The following GRIP1 variants were observed in gnomAD, a reference collection of about 807,000 sequenced individuals.
The protein encoded by GRIP1 is glutamate receptor-interacting protein 1.
Under a neutral mutation model 129.9 loss-of-function variants are expected in GRIP1, and 45 were observed. The observed-to-expected ratio is 0.35, with a 90% CI of 0.27 to 0.44. The LOEUF (loss-of-function observed/expected upper bound fraction) is 0.44. Ranked by LOEUF, GRIP1 falls within the 20% of genes least tolerant of loss-of-function variation. The pLI is 1.00. For missense variants in GRIP1, 1,196 were observed against 1,396.8 expected, an observed-to-expected ratio of 0.86 and a Z score of 2.29; for synonymous variants, 530 against 520.8, an observed-to-expected ratio of 1.02 and a Z score of -0.24.
At chr12:66,900,858 T>C (rs1333672362) in intron 1 of GRIP1, among the ~76,000 whole-genome samples, 1 of 152,270 alleles carries the variant, frequency 6.6e-6, no homozygotes, top group Middle Eastern at 3.4e-3. Context: ...TAGGAGTAAA[T>C]GGAGAATGGA....
intron 23 of GRIP1, among the ~76,000 whole-genome samples, chr12:66,366,155 G>C (rs2055130978): frequency 6.6e-6 from 1 of 152,184 alleles, no homozygotes; most frequent in African/African-American, 2.4e-5. Flanking sequence ...TCTACACTAG[G>C]TATTTGGAGA....
chr12:66,569,818 T>A (rs1160621612), intron 2 of GRIP1, among the ~76,000 whole-genome samples: 2 of 152,194 alleles, frequency 1.3e-5, no homozygotes, highest in East Asian at 3.8e-4. Context: ...GTTTTGATAC[T>A]TGTGCTTCTT....
intron 1 of GRIP1, among the ~76,000 whole-genome samples, chr12:66,811,309 A>G (rs532092054): frequency 6.6e-6 from 1 of 152,306 alleles, no homozygotes; most frequent in Admixed American, 6.5e-5. Flanking sequence ...CGTTCTGACT[A>G]TTATAAGGAT....
At chr12:66,817,202 GCACACACACACACACACACACACACA>G (rs57507955) in intron 1 of GRIP1, among the ~76,000 whole-genome samples, 1 of 136,122 alleles carries the variant, frequency 7.3e-6, no homozygotes, top group African/African-American at 2.7e-5. Context: ...TTTTCAGTAT[GCACACACACACACACACACACACACA>G]CACACACACA....
At chr12:66,766,931 T>C (rs1160565925) in intron 1 of GRIP1, among the ~76,000 whole-genome samples, 2 of 152,176 alleles carry the variant, frequency 1.3e-5, no homozygotes, top group African/African-American at 2.4e-5. Flanking sequence ...AATGAACAAA[T>C]GGATAAGGGA....
intron 1 of GRIP1, among the ~76,000 whole-genome samples, chr12:66,659,123 CTAGA>C (rs2033346391): frequency 6.6e-6 from 1 of 152,168 alleles, no homozygotes; most frequent in Non-Finnish European, 1.5e-5. Context: ...ATACTCTACC[CTAGA>C]TAGTCATGTG....
At chr12:66,682,374 G>C (rs1395034608), upstream of GRIP1, among the ~76,000 whole-genome samples, 1 of 152,080 alleles carries the variant, frequency 6.6e-6, no homozygotes, top group Non-Finnish European at 1.5e-5. Context: ...TCACTGCATG[G>C]TTAGCCCATC....
At chr12:66,926,058 T>C (rs563424187) in intron 1 of GRIP1, among the ~76,000 whole-genome samples, 6 of 152,316 alleles carry the variant, frequency 3.9e-5, no homozygotes, top group African/African-American at 7.2e-5. Context: ...CTAATGATAA[T>C]AGACATACTA....
intron 1 of GRIP1, among the ~76,000 whole-genome samples, chr12:66,642,507 G>T (rs1286150232): frequency 6.6e-6 from 1 of 151,970 alleles, no homozygotes; most frequent in Non-Finnish European, 1.5e-5. Context: ...TTAAAGAGTC[G>T]GAGCCTTATC....
At chr12:66,427,638 C>T (rs1400285245) in intron 14 of GRIP1, among the ~76,000 whole-genome samples, 1 of 152,074 alleles carries the variant, frequency 6.6e-6, no homozygotes, top group Non-Finnish European at 1.5e-5. Context: ...TGGACCCACA[C>T]CAGATGGAAA....
chr12:66,438,597 G>A (rs2058381850), intron 13 of GRIP1, among the ~76,000 whole-genome samples: 1 of 151,238 alleles, frequency 6.6e-6, no homozygotes, highest in South Asian at 2.1e-4. Flanking sequence ...CCGGGTTCAA[G>A]TGATTCTCCT....
intron 24 of GRIP1, among the ~76,000 whole-genome samples, chr12:66,351,852 C>G (rs891477842): frequency 2.0e-5 from 3 of 152,156 alleles, no homozygotes; most frequent in Non-Finnish European, 4.4e-5. Context: ...CCGTATCTGT[C>G]TCCTAGAGTC....
intron 1 of GRIP1, among the ~76,000 whole-genome samples, chr12:66,635,641 A>C (rs1264154728): frequency 6.6e-6 from 1 of 152,118 alleles, no homozygotes; most frequent in Non-Finnish European, 1.5e-5. Flanking sequence ...CACCATAAAG[A>C]GATTGTAAAT....
chr12:66,533,872 CACACACAT>C (rs2061528716), intron 4 of GRIP1, among the ~76,000 whole-genome samples: 4 of 138,336 alleles, frequency 2.9e-5, no homozygotes, highest in African/African-American at 8.0e-5. Context: ...CTCACACACA[CACACACAT>C]ACACACACTC....
chr12:66,453,085 T>C (rs2058854982), intron 11 of GRIP1, among the ~76,000 whole-genome samples: 1 of 152,204 alleles, frequency 6.6e-6, no homozygotes, highest in Admixed American at 6.5e-5. Context: ...TAGGTATTTC[T>C]ACCATGTTGA....
chr12:66,913,585 T>C (rs1431210503), intron 1 of GRIP1, among the ~76,000 whole-genome samples: 1 of 152,174 alleles, frequency 6.6e-6, no homozygotes, highest in African/African-American at 2.4e-5. Context: ...CTTATCATTG[T>C]TGGAGAATTA....
chr12:66,666,821 T>C (rs2033822013), intron 1 of GRIP1, among the ~76,000 whole-genome samples: 1 of 152,148 alleles, frequency 6.6e-6, no homozygotes, highest in South Asian at 2.1e-4. Context: ...ATTTATTTTA[T>C]GCTCACCCTT....
chr12:66,536,151 A>C (rs2139166979), intron 4 of GRIP1, among the ~76,000 whole-genome samples: 1 of 152,270 alleles, frequency 6.6e-6, no homozygotes, highest in Non-Finnish European at 1.5e-5. Context: ...CTGGAATCTG[A>C]CTGCTTTTCA....
At chr12:66,904,980 T>C (rs1421997344) in intron 1 of GRIP1, among the ~76,000 whole-genome samples, 1 of 152,202 alleles carries the variant, frequency 6.6e-6, no homozygotes, top group African/African-American at 2.4e-5. Context: ...GCTACTTCTA[T>C]GGTGCTGCGG....
Sources: gnomAD v4.1 joint callset for allele counts (sites outside exome capture counted in the v4.1 genomes callset) on GRCh38, gnomAD v4.1.1 for gene constraint, MANE v1.5 for transcripts, NCBI Gene and HGNC (gene_info 2026-07-23, HGNC 2026-07-21) for gene names.